Variants in TTLL11 observed in about 807,000 individuals in gnomAD.
TTLL11 encodes tubulin tyrosine ligase like 11, also known as tubulin polyglutamylase TTLL11.
In TTLL11, 42 loss-of-function variants were observed where a neutral mutation model predicts 51.7. The observed-to-expected ratio is 0.81, with a 90% CI of 0.64 to 1.05. The LOEUF is 1.05. Among genes scored for constraint, TTLL11 ranks in the 50% least tolerant of loss-of-function variants. The probability of loss-of-function intolerance (pLI) is 0.00; values close to 1 mark genes in which losing one functional copy is unlikely to be tolerated. For missense variants in TTLL11, 799 were observed against 940.4 expected (o/e 0.85, Z 1.97); for synonymous variants, 381 against 383.5 (o/e 0.99, Z 0.08).
At position 121,818,086 on chromosome 9, in the gene TTLL11, A is replaced by ACTCCCT. The variant is rs1588044304; in HGVS notation, c.*4500_*4501insAGGGAG. 6.6e-6 allele frequency: 1 copy of ACTCCCT among 152,282 alleles called. No homozygotes were observed. Among genetic ancestry groups the ACTCCCT allele is most frequent in the East Asian group, 1.9e-4 (1 of 5,192 alleles). The allele number at this position is 152,282 out of a possible 1,614,324, so 9.4% of individuals were successfully genotyped here. A position where few individuals can be genotyped will look rare whatever the true frequency, so the allele number is the denominator to read the frequency against. On this transcript the variant is annotated 3_prime_UTR_variant, in exon 9 of 9. Coordinates refer to ENST00000321582, the MANE Select transcript of TTLL11 (RefSeq NM_001139442.2). The stretch of plus-strand genomic sequence containing the variant: ...TGCTGGGAACTCAACAACCCCACAC[A>ACTCCCT]AACTCAGGGCAATGCAGAGTTGAAA...
chr9:121,841,796 G>C (rs116358903), intron 8 of TTLL11, among the ~76,000 whole-genome samples: 1 of 151,922 alleles, frequency 6.6e-6, no homozygotes, highest in Non-Finnish European at 1.5e-5. Context: ...AGCAGCCGTC[G>C]GCTTGACCCA....
intron 1 of TTLL11, among the ~76,000 whole-genome samples, chr9:122,076,337 C>T (rs1246630075): frequency 1.3e-5 from 2 of 152,184 alleles, no homozygotes; most frequent in Non-Finnish European, 2.9e-5. Flanking sequence ...TGTGGTCCGG[C>T]CCCCGAGTGT....
intron 8 of TTLL11, among the ~76,000 whole-genome samples, chr9:121,826,557 G>GTGTGTATGTATATATATATATATATATA (rs1189626793): frequency 1.9e-5 from 1 of 51,346 alleles, no homozygotes; most frequent in African/African-American, 7.1e-5. Context: ...ATATGTGTGT[G>GTGTGTATGTATATATATATATATATATA]TATATATATA....
At chr9:122,077,220 C>A (rs2131907915) in intron 1 of TTLL11, among the ~76,000 whole-genome samples, 1 of 152,182 alleles carries the variant, frequency 6.6e-6, no homozygotes, top group African/African-American at 2.4e-5. Context: ...AAGAAAATGG[C>A]AAATGTGGGT....
At chr9:122,074,634 G>A (rs1304398087) in intron 1 of TTLL11, among the ~76,000 whole-genome samples, 1 of 151,750 alleles carries the variant, frequency 6.6e-6, no homozygotes, top group East Asian at 1.9e-4. Context: ...GGGCATTGTG[G>A]CTCACACCTA....
In TTLL11 at chr9:121,826,217, T is replaced by TATATATACAC. The variant is rs1491163835; in HGVS notation, c.1841-3339_1841-3338insGTGTATATAT. On this transcript the variant is annotated intron_variant, in intron 8 of 8. Transcript: ENST00000321582. ...ATATATATATATATATATATATATA[T>TATATATACAC]GCACACATATATATATACACGCACA... 1.4e-3 allele frequency among the ~76,000 whole-genome samples: 81 copies of TATATATACAC among 58,094 alleles called. 2 individuals are homozygous for TATATATACAC. The highest frequency in any genetic ancestry group is 5.5e-3 in the South Asian group (7 of 1,278). The allele number at this position is 58,094 out of a possible 152,430, so 38.1% of individuals were successfully genotyped here. A position where few individuals can be genotyped will look rare whatever the true frequency, so the allele number is the denominator to read the frequency against.
At chr9:122,047,574 CAG>C (rs934836526) in intron 1 of TTLL11, among the ~76,000 whole-genome samples, 2 of 151,732 alleles carry the variant, frequency 1.3e-5, no homozygotes, top group African/African-American at 4.8e-5. Flanking sequence ...ATAGAGACCA[CAG>C]AGAGAGAGAG....
chr9:121,826,935 C>T (rs1239864366), intron 8 of TTLL11, among the ~76,000 whole-genome samples: 3 of 151,964 alleles, frequency 2.0e-5, no homozygotes, highest in Admixed American at 6.6e-5. Context: ...TGCCACAGGA[C>T]AGGCTGGGGA....
intron 8 of TTLL11, among the ~76,000 whole-genome samples, chr9:121,838,866 TCAA>T (rs748492253): frequency 1.1e-4 from 17 of 151,058 alleles, no homozygotes; most frequent in South Asian, 2.1e-4. Flanking sequence ...TTTAAACTCT[TCAA>T]CAACAACATT....
intron 8 of TTLL11, among the ~76,000 whole-genome samples, chr9:121,844,061 A>G (rs554802351): frequency 6.6e-6 from 1 of 152,302 alleles, no homozygotes; most frequent in East Asian, 1.9e-4. Context: ...GTTTTCACAC[A>G]TAAAGGGAGA....
rs73546412 is a variant in TTLL11, at chr9:121,896,700, A to T, written c.1482-25952T>A. 5.2e-3 allele frequency among the ~76,000 whole-genome samples: 796 copies of T among 152,190 alleles called. 4 individuals carry two copies. The highest frequency in any genetic ancestry group is 0.018 in the African/African-American group (744 of 41,526). On this transcript the variant is annotated intron_variant, in intron 6 of 8. Transcript: ENST00000321582. ...TGGCGGCGGGGCGGCAGGGATGACT[A>T]CGCAGACCCTGGCCCTGAGGCGGGA...
At chr9:121,972,108 T>C (rs1320844639) in intron 6 of TTLL11, among the ~76,000 whole-genome samples, 1 of 149,694 alleles carries the variant, frequency 6.7e-6, no homozygotes, top group Non-Finnish European at 1.5e-5. Flanking sequence ...TCTGCACATG[T>C]ATCCCAGAAC....
rs74938783 is a variant in TTLL11, at chr9:121,975,901, A to C, written c.1270-922T>G. On this transcript the variant is annotated intron_variant, in intron 4 of 8. Transcript: ENST00000321582. Reference sequence around the variant, plus strand: ...GCACCCATTACTATACAATGCACTGATTATTCATAGTCTCACTGAATCCTC... The same window carrying C: ...GCACCCATTACTATACAATGCACTGCTTATTCATAGTCTCACTGAATCCTC... 4.8e-3 allele frequency among the ~76,000 whole-genome samples: 737 copies of C among 152,312 alleles called. 8 individuals are homozygous for C. The highest frequency in any genetic ancestry group is 0.015 in the African/African-American group (635 of 41,580).
rs368365396 is a variant in TTLL11, at chr9:121,873,370, ATTC to A, written c.1482-2625_1482-2623del. On this transcript the variant is annotated intron_variant, in intron 6 of 8. Transcript: ENST00000321582. ...CTGCTCTTTCTATTTTACTACTGTAATTCTTCTTCTCCTTTTTTTTTTTTTTTT... is the reference window on the plus strand; with the variant it reads ...CTGCTCTTTCTATTTTACTACTGTAATTCTTCTCCTTTTTTTTTTTTTTTT... Among the ~76,000 whole-genome samples, 295 of 146,144 alleles carry A rather than the reference ATTC, an allele frequency of 2.0e-3. 4 individuals are homozygous for A. Among genetic ancestry groups the A allele is most frequent in the African/African-American group, 7.0e-3 (278 of 39,434 alleles).
intron 8 of TTLL11, among the ~76,000 whole-genome samples, chr9:121,824,772 G>A (rs1295120285): frequency 6.6e-6 from 1 of 152,214 alleles, no homozygotes; most frequent in East Asian, 1.9e-4. Context: ...AGATTAGGCT[G>A]GTGTCAACTC....
intron 3 of TTLL11, among the ~76,000 whole-genome samples, chr9:122,024,999 G>A (rs930589397): frequency 9.9e-5 from 15 of 151,842 alleles, no homozygotes; most frequent in African/African-American, 3.6e-4. Context: ...TACCCCATAA[G>A]TATATGTACC....
intron 8 of TTLL11, among the ~76,000 whole-genome samples, chr9:121,857,764 G>A (rs1001478652): frequency 3.3e-5 from 5 of 152,148 alleles, no homozygotes; most frequent in Non-Finnish European, 5.9e-5. Flanking sequence ...CTTGAATTGC[G>A]GACAGCCCCC....
chr9:121,934,004 C>A (rs748084899), intron 6 of TTLL11, among the ~76,000 whole-genome samples: 1 of 152,118 alleles, frequency 6.6e-6, no homozygotes, highest in Non-Finnish European at 1.5e-5. Flanking sequence ...CCGAGACTGG[C>A]GGATCACCTG....
chr9:121,888,414 G>A lies in TTLL11; in HGVS notation c.1482-17666C>T, dbSNP rs1003716410. ...CCAGCACTTAGGTTTTAGGGCTCAG[G>A]AAAGAACCCGGGTTTCTGCACTCCT... On this transcript the variant is annotated intron_variant, in intron 6 of 8. Coordinates refer to ENST00000321582, the MANE Select transcript of TTLL11 (RefSeq NM_001139442.2). 2.6e-5 allele frequency among the ~76,000 whole-genome samples: 4 copies of A among 152,194 alleles called. No individual in the cohort carries two copies. The East Asian group carries it at 7.7e-4, about 29-fold the overall frequency.
Sources: gnomAD v4.1 joint callset for allele counts (sites outside exome capture counted in the v4.1 genomes callset) on GRCh38, gnomAD v4.1.1 for gene constraint, MANE v1.5 for transcripts, NCBI Gene and HGNC (gene_info 2026-07-23, HGNC 2026-07-21) for gene names.